Variants in TLL2 observed in about 807,000 individuals in gnomAD.
TLL2 encodes tolloid like 2.
TLL2 carries 106 observed loss-of-function variants against 123.0 expected under a neutral mutation model. The observed-to-expected ratio is 0.86, with a 90% CI of 0.74 to 1.01. The LOEUF is 1.01. TLL2 is among the 50% of genes least tolerant of loss of function. The pLI is 0.00. For missense variants in TLL2, 1,332 were observed against 1,336.7 expected, an observed-to-expected ratio of 1.00 and a Z score of 0.06; for synonymous variants, 494 against 516.8, an observed-to-expected ratio of 0.96 and a Z score of 0.60.
chr10:96,464,900 T>G (rs1288702515), intron 2 of TLL2, among the ~76,000 whole-genome samples: 1 of 152,238 alleles, frequency 6.6e-6, no homozygotes, highest in Non-Finnish European at 1.5e-5. Context: ...ACTCAGGGAT[T>G]AAGTCTTTCT....
rs1282578948 is a variant in TLL2 at position 96,378,930 on chromosome 10, C to A, written c.2320+37G>T. On this transcript the variant is annotated intron_variant, in intron 17 of 20. Transcript: ENST00000357947. ...CAGGGGCATGGGGTGCGGCGAAGGG[C>A]AGCCCGCCCCCCCAACAACTGGAGG... The A allele has an allele frequency of 1.9e-6, 3 of 1,610,878 alleles. No homozygotes were observed. The South Asian group carries it at 3.3e-5, about 18-fold the overall frequency.
In TLL2 at chr10:96,370,048, G is replaced by GCGTCTC; in HGVS notation, c.2913+11_2913+16dup. 6.4e-7 allele frequency: 1 copy of GCGTCTC among 1,553,864 alleles called. No homozygotes were observed. The highest frequency in any genetic ancestry group is 8.7e-7 in the Non-Finnish European group (1 of 1,151,834). ...ATCATCACACTCTGCCCCGGCCCCA[G>GCGTCTC]CGTCTCCGGGACTTACCCCAGAGCC... On this transcript the variant is annotated intron_variant, in intron 20 of 20. Transcript: ENST00000357947.
chr10:96,375,477 C>T (rs1350655502), intron 18 of TLL2: 1 of 152,184 alleles, frequency 6.6e-6, no homozygotes, highest in African/African-American at 2.4e-5. Flanking sequence ...CCTCGGGGCT[C>T]TATGTTGCCA....
chr10:96,367,794 G>T lies in TLL2; in HGVS notation c.*294C>A. On this transcript the variant is annotated 3_prime_UTR_variant, in exon 21 of 21. Coordinates refer to ENST00000357947, the MANE Select transcript of TLL2 (RefSeq NM_012465.4). ...ATAGGAGCAAGGGACAAGGAGAATG[G>T]TATGAAGAAGCATAGCCGGAATGGT... The T allele has an allele frequency of 6.4e-6, 2 of 312,038 alleles. No individual in the cohort carries two copies. Among genetic ancestry groups the T allele is most frequent in the South Asian group, 8.6e-5 (2 of 23,176 alleles). The allele number at this position is 312,038 out of a possible 1,614,324, so 19.3% of individuals were successfully genotyped here.
At chr10:96,407,826 C>A (rs375640922) in intron 9 of TLL2, among the ~76,000 whole-genome samples, 1 of 152,278 alleles carries the variant, frequency 6.6e-6, no homozygotes, top group South Asian at 2.1e-4. Flanking sequence ...TGCGCGCACG[C>A]GTGGGTGCAT....
At position 96,477,032 on chromosome 10, in the gene TLL2, C is replaced by CTTTTTT. The variant is rs10615764; in HGVS notation, c.286+3311_286+3316dup. 4.8e-3 allele frequency among the ~76,000 whole-genome samples: 535 copies of CTTTTTT among 110,750 alleles called. 9 individuals are homozygous for CTTTTTT. Among genetic ancestry groups the CTTTTTT allele is most frequent in the East Asian group, 0.018 (56 of 3,192 alleles). The allele number at this position is 110,750 out of a possible 152,430, so 72.7% of individuals were successfully genotyped here. On this transcript the variant is annotated intron_variant, in intron 2 of 20. Transcript: ENST00000357947. ...CTTTATACAATTATGAGCTACTGGA[C>CTTTTTT]TTTTTTTTTTTTTTTTTTTTTTACA...
chr10:96,407,885 G>T (rs1039383773), intron 9 of TLL2, among the ~76,000 whole-genome samples: 1 of 147,156 alleles, frequency 6.8e-6, no homozygotes, highest in African/African-American at 2.7e-5. Context: ...GTGTGTGCGT[G>T]TGTGTGCATG....
rs115386086 is a variant in TLL2 at position 96,435,815 on chromosome 10, A to G, written c.365-2853T>C. Among the ~76,000 whole-genome samples, 555 of 152,266 alleles carry G rather than the reference A, an allele frequency of 3.6e-3. 10 individuals are homozygous for G. Among genetic ancestry groups the G allele is most frequent in the African/African-American group, 0.013 (532 of 41,550 alleles). On this transcript the variant is annotated intron_variant, in intron 3 of 20. Transcript: ENST00000357947. ...TGAATACTTGGTGCATTAATTTTAC[A>G]TCTTTCTTATAAATATTAACATTTT...
intron 1 of TLL2, among the ~76,000 whole-genome samples, chr10:96,486,632 GGGCCA>G (rs1346756819): frequency 6.6e-6 from 1 of 152,212 alleles, no homozygotes; most frequent in Non-Finnish European, 1.5e-5. Flanking sequence ...AGTGCAGGAA[GGGCCA>G]CGTGCCCAGC....
intron 2 of TLL2, among the ~76,000 whole-genome samples, chr10:96,479,476 G>T (rs58757826): frequency 7.2e-5 from 11 of 152,180 alleles, no homozygotes; most frequent in African/African-American, 2.4e-4. Context: ...CTGGAAGAGG[G>T]GTTGCCTGAT....
chr10:96,512,415 C>T (rs1256646212), intron 1 of TLL2, among the ~76,000 whole-genome samples: 2 of 152,236 alleles, frequency 1.3e-5, no homozygotes, highest in Non-Finnish European at 2.9e-5. Flanking sequence ...TAGAGGTTTC[C>T]AGGGCGTGAA....
Position 96,395,350 on chromosome 10 carries a change from G to A in TLL2, c.1563C>T (p.Tyr521=), listed in dbSNP as rs768467039. The change falls in exon 13 of 21, where the codon TAC becomes TAT. Residue 521 remains tyrosine (Y), a synonymous_variant. Transcript: ENST00000357947. ...CCGTGGGGCCATCCCGGACTTCCAG[G>A]TAGTCATATGCACAGCTGTCGTGCC... ...IERHDSCAYD[Y]LEVRDGPTEE... The A allele has an allele frequency of 1.2e-6, 2 of 1,611,060 alleles. No individual in the cohort carries two copies. The highest frequency in any genetic ancestry group is 1.7e-5 in the Admixed American group (1 of 59,406).
chr10:96,372,124 T>A (rs531644251), intron 19 of TLL2, among the ~76,000 whole-genome samples: 1 of 152,342 alleles, frequency 6.6e-6, no homozygotes, highest in African/African-American at 2.4e-5. Flanking sequence ...TGCTGGTCTC[T>A]ATCTGCAGGG....
At chr10:96,485,708 A>G (rs1847349037) in intron 1 of TLL2, among the ~76,000 whole-genome samples, 2 of 152,230 alleles carry the variant, frequency 1.3e-5, no homozygotes, top group Admixed American at 1.3e-4. Context: ...ACTTTGTACA[A>G]GGAAGTCTAT....
At chr10:96,395,699 A>G (rs1846333084) in intron 12 of TLL2, among the ~76,000 whole-genome samples, 176 bp downstream of exon 12, 1 of 152,224 alleles carries the variant, frequency 6.6e-6, no homozygotes, top group African/African-American at 2.4e-5. Context: ...GTCAAACCCC[A>G]TTTCAAAGCC....
chr10:96,471,471 T>C (rs1847183004), intron 2 of TLL2, among the ~76,000 whole-genome samples: 1 of 151,854 alleles, frequency 6.6e-6, no homozygotes, highest in African/African-American at 2.4e-5. Context: ...CTTGGACACT[T>C]AGGAAGCATG....
At chr10:96,395,548 C>G (rs1384420108) in intron 12 of TLL2, among the ~76,000 whole-genome samples, 166 bp from the exon 13 acceptor site, 1 of 152,214 alleles carries the variant, frequency 6.6e-6, no homozygotes, top group African/African-American at 2.4e-5. Context: ...TCCTTACTTG[C>G]AGAAGTCAAG....
chr10:96,417,867 C>A (rs942201692), intron 7 of TLL2, among the ~76,000 whole-genome samples: 1 of 152,208 alleles, frequency 6.6e-6, no homozygotes, highest in Non-Finnish European at 1.5e-5. Flanking sequence ...CAGAGAAGAA[C>A]AAGCCTGACT....
intron 8 of TLL2, 151 bp downstream of exon 8, chr10:96,413,041 A>G: frequency 8.8e-7 from 1 of 1,132,156 alleles, no homozygotes; most frequent in Non-Finnish European, 1.2e-6. Flanking sequence ...TCACCTTTCT[A>G]TACTGCCTAG....
Sources: gnomAD v4.1 joint callset for allele counts (sites outside exome capture counted in the v4.1 genomes callset) on GRCh38, gnomAD v4.1.1 for gene constraint, MANE v1.5 for transcripts, NCBI Gene and HGNC (gene_info 2026-07-23, HGNC 2026-07-21) for gene names.